The following METTL22 variants were observed in gnomAD, a reference collection of about 807,000 sequenced individuals.
METTL22 encodes methyltransferase 22, Kin17 lysine, also known as methyltransferase-like protein 22.
In METTL22, 51 loss-of-function variants were observed where a neutral mutation model predicts 48.4. The ratio of observed to expected loss-of-function variants is 1.05; its 90% CI spans 0.84 to 1.33. The LOEUF (loss-of-function observed/expected upper bound fraction) is 1.33, where lower values mean the gene tolerates loss of function less well. METTL22 is among the 40% of genes most tolerant of loss of function. The pLI, the probability that METTL22 is intolerant of heterozygous loss-of-function variation, is 0.00. For synonymous variants in METTL22, 255 were observed against 214.1 expected, an observed-to-expected ratio of 1.19 and a Z score of -1.67; for missense variants, 678 against 526.9, an observed-to-expected ratio of 1.29 and a Z score of -2.81.
At chr16:8,665,082 C>G in the METTL22 span, among the ~76,000 whole-genome samples, 3 of 152,020 alleles carry the variant, frequency 2.0e-5, no homozygotes, top group East Asian at 3.9e-4. Flanking sequence ...ACGGTATCCT[C>G]TAAGGAGTTT....
At chr16:8,664,909 T>G in the METTL22 span, among the ~76,000 whole-genome samples, 4 of 152,048 alleles carry the variant, frequency 2.6e-5, no homozygotes, top group Non-Finnish European at 5.9e-5. Flanking sequence ...GAAAATCATC[T>G]CACCTGCTTG....
At chr16:8,664,338 G>A in the METTL22 span, among the ~76,000 whole-genome samples, 1 of 152,066 alleles carries the variant, frequency 6.6e-6, no homozygotes, top group Non-Finnish European at 1.5e-5. Flanking sequence ...TAGAGACAGG[G>A]TTTCACCATG....
downstream of METTL22, among the ~76,000 whole-genome samples, chr16:8,651,593 C>A (rs2056899253): frequency 6.6e-6 from 1 of 152,038 alleles, no homozygotes; most frequent in Non-Finnish European, 1.5e-5. Flanking sequence ...TCACTGGGAG[C>A]AATCTCTCCC....
intron 6 of METTL22, among the ~76,000 whole-genome samples, chr16:8,640,930 A>AGG (rs2056588556): frequency 5.7e-5 from 4 of 69,950 alleles, no homozygotes; most frequent in African/African-American, 9.7e-5. Flanking sequence ...GGATGGATGG[A>AGG]TGGATGGATG....
At chr16:8,661,940 G>A in the METTL22 span, among the ~76,000 whole-genome samples, 1 of 144,998 alleles carries the variant, frequency 6.9e-6, no homozygotes, top group African/African-American at 2.6e-5. Context: ...TGAGGTCACA[G>A]GACTCAGAAG....
chr16:8,623,372 G>T (rs541766229), intron 1 of METTL22, among the ~76,000 whole-genome samples: 1 of 151,252 alleles, frequency 6.6e-6, no homozygotes, highest in Non-Finnish European at 1.5e-5. Context: ...GTTCACTTTT[G>T]ATTTTTACAG....
At position 8,629,011 on chromosome 16, in the gene METTL22, C is replaced by A. The variant is rs776122378; in HGVS notation, c.415C>A (p.Pro139Thr). The A allele has an allele frequency of 2.1e-5, 34 of 1,614,002 alleles. No individual in the cohort carries two copies. The highest frequency in any genetic ancestry group is 2.7e-5 in the Non-Finnish European group (32 of 1,180,046). Residue 139 changes from proline (P) to threonine (T), a missense_variant, in exon 3 of 11, where the codon CCT becomes ACT. Coordinates refer to ENST00000381920, the MANE Select transcript of METTL22 (RefSeq NM_024109.4). Reference protein sequence around the residue: ...RAASDSNPAGPLRDKVHPMIL... With the variant: ...RAASDSNPAGTLRDKVHPMIL... ...CGCCTCTGATTCCAACCCAGCAGGG[C>A]CTCTGAGAGACAAGGTACATCCCAT... is the stretch of plus-strand genomic sequence containing the variant.
At position 8,635,308 on chromosome 16, in the gene METTL22, T is replaced by C; in HGVS notation, c.696T>C (p.Cys232=). The change falls in exon 5 of 11, where the codon TGT becomes TGC. Residue 232 remains cysteine (C), a synonymous_variant. Coordinates refer to ENST00000381920, the MANE Select transcript of METTL22 (RefSeq NM_024109.4). ...CCACCATGGCACGGACCGTTTATTGTACAGGTAATGAGGTGACATCTCAGG... is the reference window on the plus strand; with the variant it reads ...CCACCATGGCACGGACCGTTTATTGCACAGGTAATGAGGTGACATCTCAGG... ...IAATMARTVY[C]TDVGADLLSM... 6.4e-7 allele frequency: 1 copy of C among 1,568,764 alleles called. No individual in the cohort carries two copies. The highest frequency in any genetic ancestry group is 2.3e-5 in the East Asian group (1 of 44,418).
At chr16:8,635,339 G>A in intron 5 of METTL22, 27 bp downstream of exon 5, 1 of 1,515,930 alleles carries the variant, frequency 6.6e-7, no homozygotes, top group Non-Finnish European at 8.8e-7. Flanking sequence ...TCAGGCTGCA[G>A]GGAAGTAGTC....
chr16:8,663,923 G>A, the METTL22 span, among the ~76,000 whole-genome samples: 4,604 of 151,954 alleles, frequency 0.03, 139 homozygotes, highest in African/African-American at 0.076. Flanking sequence ...AGTCCCCTCG[G>A]CCTCTACCCA....
At chr16:8,629,265 C>T (rs2056173735) in intron 3 of METTL22, among the ~76,000 whole-genome samples, 155 bp downstream of exon 3, 1 of 152,188 alleles carries the variant, frequency 6.6e-6, no homozygotes, top group Non-Finnish European at 1.5e-5. Flanking sequence ...TCTCCACAAC[C>T]CCGTCACTCC....
chr16:8,657,180 T>C, the METTL22 span, among the ~76,000 whole-genome samples: 1 of 152,186 alleles, frequency 6.6e-6, no homozygotes, highest in Non-Finnish European at 1.5e-5. Flanking sequence ...AGGATCGATG[T>C]CATTACAAGA....
intron 6 of METTL22, chr16:8,639,619 T>C: frequency 5.2e-6 from 1 of 190,660 alleles, no homozygotes; most frequent in Non-Finnish European, 1.1e-5. Flanking sequence ...TCTCCTTGCC[T>C]CCTCCTGACA....
intron 3 of METTL22, 50 bp from the exon 4 acceptor site, chr16:8,634,989 T>C (rs746822985): frequency 6.2e-7 from 1 of 1,611,762 alleles, no homozygotes; most frequent in Non-Finnish European, 8.5e-7. Flanking sequence ...TGGTTTTCTG[T>C]CCATCCCCAT....
At chr16:8,663,799 C>T in the METTL22 span, among the ~76,000 whole-genome samples, 24 of 152,212 alleles carry the variant, frequency 1.6e-4, no homozygotes, top group Admixed American at 2.6e-4. Context: ...TTTCATTTGT[C>T]AGACTAGAGG....
intron 2 of METTL22, 130 bp downstream of exon 2, chr16:8,625,928 C>G (rs768401818): frequency 2.6e-6 from 3 of 1,139,226 alleles, no homozygotes; most frequent in South Asian, 3.1e-5. Flanking sequence ...TTTTAAGTGC[C>G]CTTTTTTTCT....
At position 8,625,797 on chromosome 16, in the gene METTL22, AG is replaced by A. The variant is rs1421953316; in HGVS notation, c.133+1del. 2 of 1,613,962 alleles carry A rather than the reference AG, an allele frequency of 1.2e-6. No homozygotes were observed. The highest frequency in any genetic ancestry group is 2.7e-5 in the African/African-American group (2 of 74,924). On this transcript the variant is annotated frameshift_variant and splice_region_variant, in exon 2 of 11. Transcript: ENST00000381920. LOFTEE classifies it high-confidence loss of function. The stretch of plus-strand genomic sequence containing the variant: ...TACGGCTGAACAGCGTGGGGCAGCC[AG>A]GTAAGGTCCTGGGCCCAGGTGCCCT... ...MVRLNSVGQP[V>X]FLSQFKLLWS...
At chr16:8,658,220 C>T in the METTL22 span, among the ~76,000 whole-genome samples, 2 of 152,184 alleles carry the variant, frequency 1.3e-5, no homozygotes, top group Admixed American at 1.3e-4. Context: ...AAGGAGCACC[C>T]GGGATCACCA....
the METTL22 span, among the ~76,000 whole-genome samples, chr16:8,660,805 G>C: frequency 1.6e-4 from 1 of 6,318 alleles, no homozygotes; most frequent in African/African-American, 3.0e-4. Flanking sequence ...AGGAGGAGGA[G>C]GAGGAGGAGG....
Sources: allele counts gnomAD v4.1 joint callset (sites outside exome capture counted in the v4.1 genomes callset), GRCh38; gene constraint gnomAD v4.1.1; transcripts MANE v1.5; gene names NCBI Gene and HGNC (gene_info 2026-07-23, HGNC 2026-07-21).